SHISA6: variants seen among roughly 807,000 people sequenced by gnomAD.
SHISA6 encodes shisa family member 6.
SHISA6 carries 22 observed loss-of-function variants against 47.9 expected under a neutral mutation model. That is an observed-to-expected ratio of 0.46 (90% CI 0.33 to 0.66). The LOEUF is 0.66. Ranked by LOEUF, SHISA6 falls within the 30% of genes least tolerant of loss-of-function variation. SHISA6 has a pLI of 0.02. For synonymous variants in SHISA6, 388 were observed against 337.8 expected (o/e 1.15, Z -1.63); for missense variants, 680 against 764.6 (o/e 0.89, Z 1.30).
intron 3 of SHISA6, among the ~76,000 whole-genome samples, chr17:11,383,258 G>C (rs1477093024): frequency 6.6e-6 from 1 of 151,980 alleles, no homozygotes; most frequent in Non-Finnish European, 1.5e-5. Context: ...TTTTTTATAG[G>C]CTCTAGAGGC....
At chr17:11,359,954 T>C (rs535466426) in intron 2 of SHISA6, among the ~76,000 whole-genome samples, 24 of 152,140 alleles carry the variant, frequency 1.6e-4, no homozygotes, top group Non-Finnish European at 3.1e-4. Flanking sequence ...GACCCAGCAA[T>C]CCCATTACTG....
At chr17:11,425,736 T>C (rs1914593270) in intron 3 of SHISA6, among the ~76,000 whole-genome samples, 1 of 152,182 alleles carries the variant, frequency 6.6e-6, no homozygotes, top group Admixed American at 6.5e-5. Flanking sequence ...GTGTCTTCAG[T>C]TACATTGGCT....
At chr17:11,399,411 T>C (rs1446133974) in intron 3 of SHISA6, among the ~76,000 whole-genome samples, 1 of 152,166 alleles carries the variant, frequency 6.6e-6, no homozygotes, top group African/African-American at 2.4e-5. Context: ...GTCCATTTTT[T>C]AAAATTTTTG....
intron 2 of SHISA6, among the ~76,000 whole-genome samples, chr17:11,325,352 C>T (rs528380129): frequency 6.6e-6 from 1 of 152,328 alleles, no homozygotes; most frequent in Admixed American, 6.5e-5. Flanking sequence ...GCAATATTTC[C>T]TAAGCAAACT....
rs2072016107 is a variant in SHISA6 at position 11,559,273 on chromosome 17, A to C, written c.*969A>C. ...CACCCCTGCTCTGCTCCCAGGAGGCACCTGCGGTGGCCAGAGAGCCAGGGT... is the reference window on the plus strand; with the variant it reads ...CACCCCTGCTCTGCTCCCAGGAGGCCCCTGCGGTGGCCAGAGAGCCAGGGT... On this transcript the variant is annotated 3_prime_UTR_variant, in exon 6 of 6. Transcript: ENST00000441885. The surrounding 1 kb of genome is among the most constrained non-coding windows in gnomAD (Gnocchi z 4.4). 1 of 152,520 alleles carries C rather than the reference A, an allele frequency of 6.6e-6. No individual in the cohort carries two copies. The highest frequency in any genetic ancestry group is 1.5e-5 in the Non-Finnish European group (1 of 68,362). 9.4% of individuals were successfully genotyped at this position (152,520 alleles called of 1,614,324 possible).
At chr17:11,443,617 C>T (rs1287684204) in intron 3 of SHISA6, among the ~76,000 whole-genome samples, 5 of 152,146 alleles carry the variant, frequency 3.3e-5, no homozygotes, top group African/African-American at 1.2e-4. Flanking sequence ...ATAATAATAG[C>T]ATCTACTTTA....
intron 2 of SHISA6, among the ~76,000 whole-genome samples, chr17:11,358,937 G>T (rs1597474848): frequency 6.6e-6 from 1 of 152,310 alleles, no homozygotes; most frequent in East Asian, 1.9e-4. Flanking sequence ...TGGGATTACA[G>T]GGGTGAGCTA....
chr17:11,315,838 G>A (rs1049172629), intron 2 of SHISA6, among the ~76,000 whole-genome samples: 3 of 152,100 alleles, frequency 2.0e-5, no homozygotes, highest in Non-Finnish European at 2.9e-5. Flanking sequence ...AGGTATGAGA[G>A]CCAAACATAG....
chr17:11,388,788 GTTTATATATATATATATATATA>G lies in SHISA6; in HGVS notation c.895+9281_895+9302del, dbSNP rs1357467284. 8.7e-3 allele frequency among the ~76,000 whole-genome samples: 427 copies of G among 49,092 alleles called. 8 individuals carry two copies. Among genetic ancestry groups the G allele is most frequent in the African/African-American group, 0.025 (339 of 13,296 alleles). 32.2% of individuals were successfully genotyped at this position (49,092 alleles called of 152,430 possible). On this transcript the variant is annotated intron_variant, in intron 3 of 5. Transcript: ENST00000441885. ...CAACAGAACTACTGTTCAAACAAAAGTTTATATATATATATATATATATATATATATATATATATATATATAT... is the reference window on the plus strand; with the variant it reads ...CAACAGAACTACTGTTCAAACAAAAGTATATATATATATATATATATATAT...
rs182753985 is a variant in SHISA6, at chr17:11,333,465, G to A, written c.800-45949G>A. Among the ~76,000 whole-genome samples, 11 of 152,098 alleles carry A rather than the reference G, an allele frequency of 7.2e-5. No homozygotes were observed. The East Asian group carries it at 1.4e-3, about 19-fold the overall frequency. On this transcript the variant is annotated intron_variant, in intron 2 of 5. Coordinates refer to ENST00000441885, the MANE Select transcript of SHISA6 (RefSeq NM_207386.4). ...GGAGCTTGAGTTAATAATCCATCAG[G>A]CTAATCTGTTGAAAACTCTATGTTC...
At chr17:11,444,266 C>T (rs889910042) in intron 3 of SHISA6, among the ~76,000 whole-genome samples, 4 of 152,054 alleles carry the variant, frequency 2.6e-5, no homozygotes, top group Non-Finnish European at 5.9e-5. Context: ...TTGCAATGAG[C>T]TGAGATCGTG....
rs1235962171 is a variant in SHISA6, at chr17:11,562,357, A to C, written c.*4053A>C. The C allele has an allele frequency of 6.6e-6, 1 of 152,118 alleles. No individual in the cohort carries two copies. The highest frequency in any genetic ancestry group is 2.4e-5 in the African/African-American group (1 of 41,446). 9.4% of individuals were successfully genotyped at this position (152,118 alleles called of 1,614,324 possible). A position where few individuals can be genotyped will look rare whatever the true frequency, so the allele number is the denominator to read the frequency against. On this transcript the variant is annotated 3_prime_UTR_variant, in exon 6 of 6. Transcript: ENST00000441885. The stretch of plus-strand genomic sequence containing the variant: ...ACTCCAGAAGGTGCCTGCCCTGAGA[A>C]GAGCTGGCATGTTACCTCCCACATA...
chr17:11,356,265 A>G (rs1597473499), intron 2 of SHISA6, among the ~76,000 whole-genome samples: 2 of 152,198 alleles, frequency 1.3e-5, no homozygotes, highest in Admixed American at 1.3e-4. Context: ...TCCACAAAGC[A>G]TAAGTTAGAA....
intron 2 of SHISA6, among the ~76,000 whole-genome samples, chr17:11,340,080 T>C (rs532317940): frequency 6.6e-6 from 1 of 152,334 alleles, no homozygotes; most frequent in South Asian, 2.1e-4. Flanking sequence ...CTGTATGTTA[T>C]TCCCCCTACC....
intron 2 of SHISA6, among the ~76,000 whole-genome samples, chr17:11,291,211 T>C (rs1003614305): frequency 6.6e-6 from 1 of 151,990 alleles, no homozygotes; most frequent in African/African-American, 2.4e-5. Context: ...ATGAGAGTGG[T>C]ACCTCCCATG....
At chr17:11,300,203 T>G (rs1242216225) in intron 2 of SHISA6, among the ~76,000 whole-genome samples, 1 of 151,358 alleles carries the variant, frequency 6.6e-6, no homozygotes, top group East Asian at 1.9e-4. Flanking sequence ...AGGCAACACC[T>G]TCACAGGTTT....
At chr17:11,262,538 C>T (rs765145255) in intron 1 of SHISA6, among the ~76,000 whole-genome samples, 1 of 152,194 alleles carries the variant, frequency 6.6e-6, no homozygotes, top group Non-Finnish European at 1.5e-5. Context: ...AATTATGAAC[C>T]CCTAGATGGC....
intron 2 of SHISA6, among the ~76,000 whole-genome samples, chr17:11,297,015 C>G (rs180681535): frequency 6.6e-6 from 1 of 152,136 alleles, no homozygotes; most frequent in Non-Finnish European, 1.5e-5. Context: ...TTCAGGGACT[C>G]GAGAGGCCAA....
chr17:11,339,370 T>A (rs1194795012), intron 2 of SHISA6, among the ~76,000 whole-genome samples: 1 of 152,166 alleles, frequency 6.6e-6, no homozygotes, highest in Non-Finnish European at 1.5e-5. Flanking sequence ...GAAATAGTAA[T>A]CTCCAGGCTT....
Sources: gnomAD v4.1 joint callset for allele counts (sites outside exome capture counted in the v4.1 genomes callset) on GRCh38, gnomAD v4.1.1 for gene constraint, Gnocchi (gnomAD v3.1) non-coding constraint, MANE v1.5 for transcripts, NCBI Gene and HGNC (gene_info 2026-07-23, HGNC 2026-07-21) for gene names.